Variants in GLT1D1 observed in about 807,000 individuals in gnomAD.
GLT1D1 encodes the protein glycosyltransferase 1 domain-containing protein 1.
Under a neutral mutation model 28.7 loss-of-function variants are expected in GLT1D1, and 21 were observed. The ratio of observed to expected loss-of-function variants is 0.73; its 90% CI spans 0.52 to 1.05. The LOEUF is 1.05. GLT1D1 is among the 50% of genes least tolerant of loss of function. The pLI is 0.00. For synonymous variants in GLT1D1, 147 were observed against 124.8 expected (o/e 1.18, Z -1.19); for missense variants, 343 against 330.6 (o/e 1.04, Z -0.29).
At chr12:128,908,369 CTTTCT>C (rs780712731) in intron 4 of GLT1D1, among the ~76,000 whole-genome samples, 1 of 55,674 alleles carries the variant, frequency 1.8e-5, no homozygotes. Context: ...TCTTTTCTTT[CTTTCT>C]TTTCTTTCTC....
chr12:128,857,292 G>C (rs150319545), intron 1 of GLT1D1, among the ~76,000 whole-genome samples: 1 of 152,164 alleles, frequency 6.6e-6, no homozygotes, highest in Non-Finnish European at 1.5e-5. Flanking sequence ...GGAAGGAGGC[G>C]GGCAGGGTTT....
At chr12:128,859,443 C>T (rs1001595619) in intron 1 of GLT1D1, among the ~76,000 whole-genome samples, 5 of 152,180 alleles carry the variant, frequency 3.3e-5, no homozygotes, top group Non-Finnish European at 5.9e-5. Context: ...CCCCCAGGGC[C>T]GTTGGGCAAG....
intron 4 of GLT1D1, among the ~76,000 whole-genome samples, chr12:128,934,050 T>C (rs751372401): frequency 6.6e-6 from 1 of 152,178 alleles, no homozygotes; most frequent in Non-Finnish European, 1.5e-5. Flanking sequence ...TCAGCCCATG[T>C]CTTTCTCTGT....
intron 1 of GLT1D1, among the ~76,000 whole-genome samples, chr12:128,861,845 G>T (rs1228949426): frequency 6.6e-6 from 1 of 152,062 alleles, no homozygotes; most frequent in African/African-American, 2.4e-5. Flanking sequence ...TGAATTCTCT[G>T]TGTCAAGCAT....
intron 2 of GLT1D1, among the ~76,000 whole-genome samples, chr12:128,878,773 C>T (rs905019374): frequency 6.6e-6 from 1 of 151,900 alleles, no homozygotes; most frequent in Non-Finnish European, 1.5e-5. Flanking sequence ...GCCACCATGC[C>T]CGGCTATTTT....
chr12:128,970,375 C>T (rs553192216), intron 7 of GLT1D1, among the ~76,000 whole-genome samples: 2 of 152,234 alleles, frequency 1.3e-5, no homozygotes, highest in African/African-American at 4.8e-5. Context: ...TGTCTGCAAA[C>T]GCAGCTGGAC....
chr12:128,868,115 G>A (rs1365201910), intron 1 of GLT1D1, among the ~76,000 whole-genome samples: 2 of 152,224 alleles, frequency 1.3e-5, no homozygotes, highest in African/African-American at 4.8e-5. Context: ...CCTCAGGGTG[G>A]TTTTCCAGCA....
intron 4 of GLT1D1, among the ~76,000 whole-genome samples, chr12:128,922,675 C>T (rs987859733): frequency 6.6e-6 from 1 of 152,078 alleles, no homozygotes; most frequent in Non-Finnish European, 1.5e-5. Context: ...GTAATCCCAG[C>T]GTTTTGGGAG....
intron 4 of GLT1D1, among the ~76,000 whole-genome samples, chr12:128,939,263 C>G (rs760999430): frequency 1.3e-5 from 2 of 151,966 alleles, no homozygotes; most frequent in Non-Finnish European, 2.9e-5. Flanking sequence ...TACTTAATCT[C>G]AAAAGTACAC....
chr12:128,964,170 C>A (rs12306045), intron 7 of GLT1D1, among the ~76,000 whole-genome samples: 1 of 152,094 alleles, frequency 6.6e-6, no homozygotes, highest in East Asian at 1.9e-4. Flanking sequence ...TTGCTTGAGC[C>A]CAGGAGTTCA....
At chr12:128,974,277 A>G (rs1373927951) in intron 7 of GLT1D1, among the ~76,000 whole-genome samples, 1 of 152,130 alleles carries the variant, frequency 6.6e-6, no homozygotes, top group Non-Finnish European at 1.5e-5. Context: ...TCACACGGAC[A>G]TCTACGGACC....
intron 4 of GLT1D1, among the ~76,000 whole-genome samples, chr12:128,919,759 A>T (rs1205729950): frequency 6.6e-6 from 1 of 152,240 alleles, no homozygotes; most frequent in Non-Finnish European, 1.5e-5. Flanking sequence ...TTCTAGATAC[A>T]TTTTAAATGT....
intron 2 of GLT1D1, among the ~76,000 whole-genome samples, chr12:128,882,512 G>T (rs1465021645): frequency 1.3e-5 from 2 of 151,972 alleles, no homozygotes. Flanking sequence ...CTGACCTCAG[G>T]TGACCCACCA....
chr12:128,955,010 C>T (rs536512392), intron 6 of GLT1D1, among the ~76,000 whole-genome samples: 68 of 152,282 alleles, frequency 4.5e-4, no homozygotes, highest in African/African-American at 1.5e-3. Flanking sequence ...AATCTTCCCA[C>T]TACCCTTTTG....
chr12:128,936,524 T>C (rs775647876), intron 4 of GLT1D1, among the ~76,000 whole-genome samples: 5 of 152,200 alleles, frequency 3.3e-5, no homozygotes, highest in Middle Eastern at 3.2e-3. Context: ...AGCTGCAGGA[T>C]GGTTTGAGCG....
intron 4 of GLT1D1, among the ~76,000 whole-genome samples, chr12:128,917,473 T>C (rs1872217105): frequency 6.6e-6 from 1 of 152,096 alleles, no homozygotes; most frequent in Non-Finnish European, 1.5e-5. Flanking sequence ...GAGAGGGTTT[T>C]CACCATGTTG....
chr12:128,863,338 TG>T (rs1956426781), intron 1 of GLT1D1, among the ~76,000 whole-genome samples: 1 of 152,112 alleles, frequency 6.6e-6, no homozygotes, highest in African/African-American at 2.4e-5. Context: ...ATGGGAGCTT[TG>T]TGACTTGCAA....
In GLT1D1 at chr12:128,941,569, C is replaced by CTT. The variant is rs550204231; in HGVS notation, c.376-3737_376-3736dup. 9.6e-3 allele frequency among the ~76,000 whole-genome samples: 1,033 copies of CTT among 107,502 alleles called. 24 individuals carry two copies. Among genetic ancestry groups the CTT allele is most frequent in the East Asian group, 0.016 (54 of 3,474 alleles). 70.5% of individuals were successfully genotyped at this position (107,502 alleles called of 152,430 possible). A position where few individuals can be genotyped will look rare whatever the true frequency, so the allele number is the denominator to read the frequency against. On this transcript the variant is annotated intron_variant, in intron 4 of 7. Coordinates refer to ENST00000281703, the MANE Select transcript of GLT1D1 (RefSeq NM_144669.3). The stretch of plus-strand genomic sequence containing the variant: ...GTCTCTTCTTTCTCTCTCTCTTTCT[C>CTT]TTTTTTTTTTTTTTTTTTTTTGAGA...
chr12:128,962,826 C>T (rs1002649286), intron 7 of GLT1D1, among the ~76,000 whole-genome samples: 7 of 152,030 alleles, frequency 4.6e-5, no homozygotes, highest in Non-Finnish European at 8.8e-5. Flanking sequence ...CTCAGCCTCC[C>T]GAGTAGCTGG....
Sources: gnomAD v4.1 joint callset for allele counts (sites outside exome capture counted in the v4.1 genomes callset) on GRCh38, gnomAD v4.1.1 for gene constraint, MANE v1.5 for transcripts, NCBI Gene and HGNC (gene_info 2026-07-23, HGNC 2026-07-21) for gene names.